Variants in COMMD10 observed in about 807,000 individuals in gnomAD.
The protein encoded by COMMD10 is COMM domain-containing protein 10.
COMMD10 carries 33 observed loss-of-function variants against 28.9 expected under a neutral mutation model. The observed-to-expected ratio is 1.14, with a 90% CI of 0.87 to 1.53. The LOEUF (loss-of-function observed/expected upper bound fraction) is 1.53. Ranked by LOEUF, COMMD10 falls within the 40% of genes most tolerant of loss-of-function variation. COMMD10 has a pLI of 0.00. For missense variants in COMMD10, 310 were observed against 233.4 expected, an observed-to-expected ratio of 1.33 and a Z score of -2.14; for synonymous variants, 110 against 81.7, an observed-to-expected ratio of 1.35 and a Z score of -1.87.
At chr5:116,120,600 G>T (rs564899063) in intron 4 of COMMD10, among the ~76,000 whole-genome samples, 4 of 152,136 alleles carry the variant, frequency 2.6e-5, no homozygotes, top group African/African-American at 9.6e-5. Context: ...CTAGCCCCAA[G>T]CAACCCCTGC....
chr5:116,292,284 A>C (rs1241064441), intron 6 of COMMD10, among the ~76,000 whole-genome samples, 167 bp from the exon 7 acceptor site: 2 of 152,130 alleles, frequency 1.3e-5, no homozygotes, highest in Non-Finnish European at 2.9e-5. Context: ...TCTTCACCTA[A>C]AAAGAAAAAT....
Position 116,091,523 on chromosome 5 carries a change from T to C in COMMD10, c.243+334T>C, listed in dbSNP as rs1400734812. Among the ~76,000 whole-genome samples the C allele has an allele frequency of 3.3e-5, 5 of 152,176 alleles. No homozygotes were observed. The East Asian group carries it at 9.6e-4, about 29-fold the overall frequency. On this transcript the variant is annotated intron_variant, in intron 3 of 6. Transcript: ENST00000274458. ...AAGTAAGACATTTAGAAAAGAAGTATTGTCATATTATGTGCCACTAAGCTG... is the reference window on the plus strand; with the variant it reads ...AAGTAAGACATTTAGAAAAGAAGTACTGTCATATTATGTGCCACTAAGCTG...
At position 116,212,522 on chromosome 5, in the gene COMMD10, G is replaced by GTGTGTGTGTGTGTGTGTA. The variant is rs71223098; in HGVS notation, c.510+78345_510+78346insGTGTGTGTGTGTGTGTAT. On this transcript the variant is annotated intron_variant, in intron 5 of 6. Coordinates refer to ENST00000274458, the MANE Select transcript of COMMD10 (RefSeq NM_016144.4). The stretch of plus-strand genomic sequence containing the variant: ...TGTGTGTGTGTGTGTGTGTGTGTGT[G>GTGTGTGTGTGTGTGTGTA]TAGAATGTGAGGGGGGTTGGATAGG... 3.6e-3 allele frequency among the ~76,000 whole-genome samples: 474 copies of GTGTGTGTGTGTGTGTGTA among 131,888 alleles called. 20 individuals are homozygous for GTGTGTGTGTGTGTGTGTA. The highest frequency in any genetic ancestry group is 0.032 in the South Asian group (111 of 3,482). The allele number at this position is 131,888 out of a possible 152,430, so 86.5% of individuals were successfully genotyped here.
chr5:116,161,769 T>C (rs1752926710), intron 5 of COMMD10, among the ~76,000 whole-genome samples: 1 of 152,132 alleles, frequency 6.6e-6, no homozygotes, highest in Non-Finnish European at 1.5e-5. Flanking sequence ...AGGGTTGCTC[T>C]TGCCATCTCA....
At position 116,087,489 on chromosome 5, in the gene COMMD10, T is replaced by C. The variant is rs770867874; in HGVS notation, c.42-8T>C. 3.2e-6 allele frequency: 5 copies of C among 1,569,180 alleles called. No homozygotes were observed. In the Admixed American group the frequency reaches 6.7e-5, roughly 21 times the overall value. ...CATTTCAAAACTCTGTTTTATAATT[T>C]TGTTTAGCATGAAGAAAGCAGTGTC... is the stretch of plus-strand genomic sequence containing the variant. On this transcript the variant is annotated splice_region_variant and splice_polypyrimidine_tract_variant and intron_variant, in intron 1 of 6. Coordinates refer to ENST00000274458, the MANE Select transcript of COMMD10 (RefSeq NM_016144.4).
At chr5:116,148,088 C>T (rs1752401934) in intron 5 of COMMD10, among the ~76,000 whole-genome samples, 1 of 151,692 alleles carries the variant, frequency 6.6e-6, no homozygotes, top group South Asian at 2.1e-4. Context: ...GTACATTTGC[C>T]TTTAAAGCCA....
At chr5:116,217,914 C>CAA (rs879104498) in intron 5 of COMMD10, 44 of 515,036 alleles carry the variant, frequency 8.5e-5, no homozygotes, top group Non-Finnish European at 1.2e-4. Flanking sequence ...CAGCATAGCT[C>CAA]AAAAAAAAAA....
In COMMD10 at chr5:116,245,882, T is replaced by C. The variant is rs148400118; in HGVS notation, c.511-45635T>C. 4.6e-3 allele frequency among the ~76,000 whole-genome samples: 695 copies of C among 152,230 alleles called. 5 individuals are homozygous for C. Among genetic ancestry groups the C allele is most frequent in the Non-Finnish European group, 6.9e-3 (472 of 68,020 alleles). On this transcript the variant is annotated intron_variant, in intron 5 of 6. Coordinates refer to ENST00000274458, the MANE Select transcript of COMMD10 (RefSeq NM_016144.4). ...GACAAACCCACAGCCAACATCATAC[T>C]GAATGAGCAAAAGCTGGAAGCATTC...
chr5:116,147,016 A>G (rs10478281), intron 5 of COMMD10, among the ~76,000 whole-genome samples: 16,343 of 151,858 alleles, frequency 0.11, 986 homozygotes, highest in African/African-American at 0.15. Flanking sequence ...CTCGAGTCTT[A>G]TATCACAGGA....
intron 5 of COMMD10, among the ~76,000 whole-genome samples, chr5:116,267,153 A>G (rs1340752856): frequency 1.3e-5 from 2 of 151,890 alleles, no homozygotes; most frequent in African/African-American, 4.9e-5. Flanking sequence ...GAGGAAGTCA[A>G]ATGGTCCCTG....
chr5:116,112,886 C>A (rs1370323040), intron 4 of COMMD10, among the ~76,000 whole-genome samples: 5 of 147,330 alleles, frequency 3.4e-5, no homozygotes, highest in African/African-American at 1.1e-4. Context: ...TCATTTGATT[C>A]TTCTTCTTTG....
chr5:116,205,075 A>T (rs899401585), intron 5 of COMMD10, among the ~76,000 whole-genome samples: 1 of 152,166 alleles, frequency 6.6e-6, no homozygotes, highest in African/African-American at 2.4e-5. Flanking sequence ...TCTTTATTTT[A>T]TTGCTTTAAA....
intron 5 of COMMD10, among the ~76,000 whole-genome samples, chr5:116,265,462 G>A (rs1408968421): frequency 1.3e-5 from 2 of 151,652 alleles, no homozygotes; most frequent in East Asian, 1.9e-4. Flanking sequence ...ATAACTCTGT[G>A]TACTTAAATT....
Position 116,121,030 on chromosome 5 carries a change from C to T in COMMD10, c.400-13038C>T, listed in dbSNP as rs545979832. On this transcript the variant is annotated intron_variant, in intron 4 of 6. Transcript: ENST00000274458. ...TAAGTTCTAGGATACATATGCACAA[C>T]GTGCAGGTTTGTTACATAGATATAC... Among the ~76,000 whole-genome samples, 11 of 152,120 alleles carry T rather than the reference C, an allele frequency of 7.2e-5. No homozygotes were observed. In the East Asian group the frequency reaches 7.7e-4, roughly 11 times the overall value.
At chr5:116,125,808 C>T (rs1402166649) in intron 4 of COMMD10, among the ~76,000 whole-genome samples, 1 of 152,094 alleles carries the variant, frequency 6.6e-6, no homozygotes, top group Non-Finnish European at 1.5e-5. Flanking sequence ...TCGTCAGTCA[C>T]TGATACCCTT....
At chr5:116,092,029 C>G (rs1750314338) in intron 3 of COMMD10, among the ~76,000 whole-genome samples, 1 of 152,100 alleles carries the variant, frequency 6.6e-6, no homozygotes, top group Non-Finnish European at 1.5e-5. Flanking sequence ...TTGAGTAGGA[C>G]AGCATAGCAT....
rs549852549 is a variant in COMMD10 at position 116,269,762 on chromosome 5, C to G, written c.511-21755C>G. ...TTATTTTGGTTGCTGAGGTTGTAAG[C>G]CATCTTGGTTTGCTTACATGTAGGT... On this transcript the variant is annotated intron_variant, in intron 5 of 6. Coordinates refer to ENST00000274458, the MANE Select transcript of COMMD10 (RefSeq NM_016144.4). Among the ~76,000 whole-genome samples, 6 of 151,874 alleles carry G rather than the reference C, an allele frequency of 4.0e-5. No individual in the cohort carries two copies. The East Asian group carries it at 9.7e-4, about 25-fold the overall frequency.
Position 116,288,742 on chromosome 5 carries a change from TC to T in COMMD10, c.511-2773del, listed in dbSNP as rs369482086. ...GAATACCTCTAATAAGTTTTTCCAT[TC>T]CGTTACTGTATTTTTCAGCTCCAGG... On this transcript the variant is annotated intron_variant, in intron 5 of 6. Transcript: ENST00000274458. Among the ~76,000 whole-genome samples the T allele has an allele frequency of 2.2e-4, 33 of 151,830 alleles. 1 individual carries two copies. In the East Asian group the frequency reaches 6.0e-3, roughly 28 times the overall value.
chr5:116,269,936 C>T (rs932423012), intron 5 of COMMD10, among the ~76,000 whole-genome samples: 1 of 151,802 alleles, frequency 6.6e-6, no homozygotes, highest in Non-Finnish European at 1.5e-5. Context: ...AGGTTAATTT[C>T]ACCTCTGTCA....
Sources: gnomAD v4.1 joint callset for allele counts (sites outside exome capture counted in the v4.1 genomes callset) on GRCh38, gnomAD v4.1.1 for gene constraint, MANE v1.5 for transcripts, NCBI Gene and HGNC (gene_info 2026-07-23, HGNC 2026-07-21) for gene names.